The following HERC3 variants were observed in gnomAD, a reference collection of about 807,000 sequenced individuals.
HERC3 encodes probable E3 ubiquitin-protein ligase HERC3.
Under a neutral mutation model 129.9 loss-of-function variants are expected in HERC3, and 58 were observed. That is an observed-to-expected ratio of 0.45 (90% CI 0.36 to 0.56). The LOEUF is 0.56. HERC3 is among the 20% of genes least tolerant of loss of function. The pLI is 0.00. For synonymous variants in HERC3, 430 were observed against 451.0 expected, an observed-to-expected ratio of 0.95 and a Z score of 0.59; for missense variants, 835 against 1,244.2, an observed-to-expected ratio of 0.67 and a Z score of 4.95.
Position 88,704,495 on chromosome 4 carries a change from C to CT in HERC3, c.2842-7dup, listed in dbSNP as rs147444551. The CT allele has an allele frequency of 0.042, 64,903 of 1,558,436 alleles. 2,500 individuals carry two copies. The highest frequency in any genetic ancestry group is 0.19 in the African/African-American group (13,578 of 73,130). On this transcript the variant is annotated splice_polypyrimidine_tract_variant and intron_variant, in intron 24 of 25. Coordinates refer to ENST00000402738, the MANE Select transcript of HERC3 (RefSeq NM_014606.3). ...CCAAGATACATTTTTTTCTTTTTCT[C>CT]TTTTTTGGACAGACTGCCATCTACA...
intron 16 of HERC3, among the ~76,000 whole-genome samples, chr4:88,674,669 G>A (rs1731970734): frequency 6.6e-6 from 1 of 151,972 alleles, no homozygotes; most frequent in African/African-American, 2.4e-5. Flanking sequence ...GTATAGTGCT[G>A]TTTTATGGTG....
At chr4:88,687,158 T>C in intron 22 of HERC3, 59 bp from the exon 23 acceptor site, 1 of 1,329,340 alleles carries the variant, frequency 7.5e-7, no homozygotes, top group Non-Finnish European at 1.1e-6. Flanking sequence ...TCATTTGAGT[T>C]CTAGAAAGAT....
the HERC3 span, among the ~76,000 whole-genome samples, chr4:88,559,636 A>C: frequency 6.6e-6 from 1 of 152,214 alleles, no homozygotes; most frequent in Admixed American, 6.5e-5. Flanking sequence ...CTTAGGGCTG[A>C]ATAATTGTCC....
At chr4:88,563,817 C>G in the HERC3 span, among the ~76,000 whole-genome samples, 1 of 152,004 alleles carries the variant, frequency 6.6e-6, no homozygotes, top group African/African-American at 2.4e-5. Flanking sequence ...CACCACCACG[C>G]CCGGCTAATT....
At position 88,668,386 on chromosome 4, in the gene HERC3, A is replaced by AT; in HGVS notation, c.1633+307dup. 3 of 312,244 alleles carry AT rather than the reference A, an allele frequency of 9.6e-6. 1 individual carries two copies. The South Asian group carries it at 1.0e-4, about 11-fold the overall frequency. The allele number at this position is 312,244 out of a possible 1,614,324, so 19.3% of individuals were successfully genotyped here. A position where few individuals can be genotyped will look rare whatever the true frequency, so the allele number is the denominator to read the frequency against. On this transcript the variant is annotated intron_variant, in intron 14 of 25. Transcript: ENST00000402738. The stretch of plus-strand genomic sequence containing the variant: ...TACCACATTTGCTCAGTACCTCAGT[A>AT]TTACTGTACGTTGGTCTTTCTCCTA...
chr4:88,634,949 TAAC>T (rs1727207109), intron 3 of HERC3, among the ~76,000 whole-genome samples: 1 of 151,640 alleles, frequency 6.6e-6, no homozygotes, highest in East Asian at 1.9e-4. Context: ...AAACAGAAAG[TAAC>T]AACAACAGTT....
upstream of HERC3, among the ~76,000 whole-genome samples, chr4:88,590,628 C>T (rs1311175969): frequency 6.6e-6 from 1 of 152,148 alleles, no homozygotes; most frequent in African/African-American, 2.4e-5. Flanking sequence ...ACATATCAAC[C>T]CAAACACTGA....
chr4:88,679,610 C>A (rs1309729663), intron 19 of HERC3, among the ~76,000 whole-genome samples: 1 of 151,520 alleles, frequency 6.6e-6, no homozygotes, highest in Non-Finnish European at 1.5e-5. Context: ...ACCTCTGCCT[C>A]CCACATTCAA....
chr4:88,683,511 T>G (rs752347992), intron 21 of HERC3, among the ~76,000 whole-genome samples: 6 of 152,222 alleles, frequency 3.9e-5, no homozygotes, highest in Non-Finnish European at 5.9e-5. Flanking sequence ...TCCCTTACTT[T>G]GCTTATGTGG....
At chr4:88,594,707 A>G (rs1722150089) in intron 1 of HERC3, among the ~76,000 whole-genome samples, 1 of 152,124 alleles carries the variant, frequency 6.6e-6, no homozygotes, top group Non-Finnish European at 1.5e-5. Flanking sequence ...TCTTAAAATC[A>G]TGGAGGACTT....
At chr4:88,628,365 C>T (rs928320994) in intron 3 of HERC3, among the ~76,000 whole-genome samples, 6 of 152,094 alleles carry the variant, frequency 3.9e-5, no homozygotes, top group African/African-American at 1.4e-4. Context: ...CTTTAGCTTT[C>T]TCTTGATTAG....
intron 1 of HERC3, among the ~76,000 whole-genome samples, chr4:88,593,084 A>G (rs1007781891): frequency 6.6e-6 from 1 of 151,624 alleles, no homozygotes; most frequent in Non-Finnish European, 1.5e-5. Flanking sequence ...GGGGAACCTC[A>G]GCGGCCGCGA....
the HERC3 span, among the ~76,000 whole-genome samples, chr4:88,569,020 C>T: frequency 6.6e-6 from 1 of 152,084 alleles, no homozygotes; most frequent in Non-Finnish European, 1.5e-5. Flanking sequence ...CTGAGCCCAC[C>T]ACAGCACCAG....
At chr4:88,626,874 TTTTG>T (rs1417456573) in intron 3 of HERC3, among the ~76,000 whole-genome samples, 2 of 137,668 alleles carry the variant, frequency 1.5e-5, no homozygotes, top group Non-Finnish European at 3.1e-5. Flanking sequence ...TTATTATTCT[TTTTG>T]TTTGTTTTGT....
chr4:88,609,980 G>A (rs1409488405), intron 3 of HERC3, among the ~76,000 whole-genome samples: 1 of 152,164 alleles, frequency 6.6e-6, no homozygotes, highest in Non-Finnish European at 1.5e-5. Context: ...CGTTGCCATG[G>A]CGTTTGTAAA....
chr4:88,693,315 T>G (rs1030706035), intron 23 of HERC3: 3 of 971,080 alleles, frequency 3.1e-6, no homozygotes, highest in Non-Finnish European at 3.7e-6. Flanking sequence ...GGAATTAAAA[T>G]GTATAACATT....
At chr4:88,697,137 G>A in intron 23 of HERC3, 3 of 1,408,682 alleles carry the variant, frequency 2.1e-6, no homozygotes, top group Non-Finnish European at 2.8e-6. Context: ...TAAGTCCATC[G>A]ATATTCTGGG....
intron 3 of HERC3, among the ~76,000 whole-genome samples, chr4:88,643,061 T>A (rs934345350): frequency 6.6e-6 from 1 of 152,168 alleles, no homozygotes; most frequent in African/African-American, 2.4e-5. Context: ...TGATTTAAGG[T>A]CAATACACAA....
chr4:88,556,566 A>G, the HERC3 span, among the ~76,000 whole-genome samples: 1 of 152,184 alleles, frequency 6.6e-6, no homozygotes, highest in Non-Finnish European at 1.5e-5. Flanking sequence ...CAGATCAGCC[A>G]CAAGTCCTAT....
Sources: gnomAD v4.1 joint callset for allele counts (sites outside exome capture counted in the v4.1 genomes callset) on GRCh38, gnomAD v4.1.1 for gene constraint, MANE v1.5 for transcripts, NCBI Gene and HGNC (gene_info 2026-07-23, HGNC 2026-07-21) for gene names.